HNRNPM: variants seen among roughly 807,000 people sequenced by gnomAD.
The protein encoded by HNRNPM is heterogeneous nuclear ribonucleoprotein M.
Under a neutral mutation model 73.1 loss-of-function variants are expected in HNRNPM, and 11 were observed. That is an observed-to-expected ratio of 0.15 (90% CI 0.09 to 0.25). The LOEUF (loss-of-function observed/expected upper bound fraction) is 0.25, where lower values mean the gene tolerates loss of function less well. HNRNPM is among the 10% of genes least tolerant of loss of function. The probability of loss-of-function intolerance (pLI) is 1.00; values close to 1 mark genes in which losing one functional copy is unlikely to be tolerated. For missense variants in HNRNPM, 789 were observed against 1,067.9 expected (o/e 0.74, Z 3.64); for synonymous variants, 407 against 355.2 (o/e 1.15, Z -1.64).
chr19:8,460,827 C>T (rs1969348777), intron 2 of HNRNPM, among the ~76,000 whole-genome samples: 1 of 152,178 alleles, frequency 6.6e-6, no homozygotes, highest in African/African-American at 2.4e-5. Context: ...GGGGCCTCTT[C>T]AGTCACTATT....
intron 7 of HNRNPM, among the ~76,000 whole-genome samples, 162 bp downstream of exon 7, chr19:8,466,550 G>C (rs1969756971): frequency 6.6e-6 from 1 of 152,030 alleles, no homozygotes; most frequent in Non-Finnish European, 1.5e-5. Context: ...GGGCCGGACC[G>C]GTCACGGTGG....
In HNRNPM at chr19:8,464,574, G is replaced by T. The variant is rs141919559; in HGVS notation, c.439-750G>T. The stretch of plus-strand genomic sequence containing the variant: ...TGGAACCCAGGAGGCGGAGGTTGCA[G>T]TGAGCCGAGATCGCGCCATTGAACT... On this transcript the variant is annotated intron_variant, in intron 5 of 15. Transcript: ENST00000325495. Among the ~76,000 whole-genome samples the T allele has an allele frequency of 3.1e-3, 465 of 152,288 alleles. 3 individuals carry two copies. The highest frequency in any genetic ancestry group is 5.9e-3 in the Admixed American group (91 of 15,296).
chr19:8,484,015 A>T (rs1329135713), intron 13 of HNRNPM, among the ~76,000 whole-genome samples: 1 of 151,842 alleles, frequency 6.6e-6, no homozygotes, highest in Admixed American at 6.6e-5. Flanking sequence ...TGACCTGCAT[A>T]CCTCCAGAGT....
intron 2 of HNRNPM, among the ~76,000 whole-genome samples, chr19:8,461,455 G>C (rs1392810749): frequency 1.3e-5 from 2 of 152,040 alleles, no homozygotes; most frequent in African/African-American, 4.8e-5. Flanking sequence ...TTTTGCCTTT[G>C]GAGAGTCTGG....
At chr19:8,476,107 G>A (rs1428745608) in intron 12 of HNRNPM, among the ~76,000 whole-genome samples, 3 of 152,054 alleles carry the variant, frequency 2.0e-5, no homozygotes, top group African/African-American at 4.8e-5. Flanking sequence ...CCTGGGGTAC[G>A]CGGTGGCAAA....
chr19:8,478,612 G>A (rs1241574555), intron 12 of HNRNPM, among the ~76,000 whole-genome samples: 1 of 152,180 alleles, frequency 6.6e-6, no homozygotes, highest in Non-Finnish European at 1.5e-5. Context: ...TTTTAAAAAA[G>A]ATGTTGTTTT....
At position 8,462,645 on chromosome 19, in the gene HNRNPM, G is replaced by A. The variant is rs375487217; in HGVS notation, c.336+64G>A. On this transcript the variant is annotated intron_variant, in intron 3 of 15. Coordinates refer to ENST00000325495, the MANE Select transcript of HNRNPM (RefSeq NM_005968.5). This position sits in a 1 kb window ranked among gnomAD's most constrained non-coding sequence, Gnocchi z 4.5. ...ATGAAAAATGTAACTGTATGGTGGC[G>A]TGGAATCGAATGAAATCAGGAAGGC... The A allele has an allele frequency of 7.6e-6, 10 of 1,320,504 alleles. No homozygotes were observed. Among genetic ancestry groups the A allele is most frequent in the African/African-American group, 1.4e-5 (1 of 69,046 alleles). The allele number at this position is 1,320,504 out of a possible 1,614,324, so 81.8% of individuals were successfully genotyped here.
intron 13 of HNRNPM, among the ~76,000 whole-genome samples, chr19:8,485,042 G>T (rs773296909): frequency 6.6e-6 from 1 of 151,592 alleles, no homozygotes; most frequent in Non-Finnish European, 1.5e-5. Context: ...GTGTTTTTTT[G>T]ACCTCTGCTT....
chr19:8,465,018 C>T (rs996897421), intron 5 of HNRNPM, among the ~76,000 whole-genome samples: 1 of 152,230 alleles, frequency 6.6e-6, no homozygotes, highest in Non-Finnish European at 1.5e-5. Context: ...TAATTTCAGT[C>T]TGGCGGTTCT....
At chr19:8,458,645 C>T (rs1038524496) in intron 2 of HNRNPM, among the ~76,000 whole-genome samples, 4 of 152,224 alleles carry the variant, frequency 2.6e-5, no homozygotes, top group Non-Finnish European at 5.9e-5. Context: ...TACCCTCAGT[C>T]GATCCGAAGT....
At chr19:8,483,270 C>A in intron 13 of HNRNPM, 59 bp downstream of exon 13, 1 of 1,340,506 alleles carries the variant, frequency 7.5e-7, no homozygotes, top group South Asian at 1.2e-5. Flanking sequence ...TCGCTGGGGA[C>A]TGTAGAGCTT....
Position 8,486,106 on chromosome 19 carries a change from G to T in HNRNPM, c.1678G>T (p.Ala560Ser). Residue 560 changes from alanine (A) to serine (S), a missense_variant, in exon 14 of 16, where the codon GCC (alanine) becomes TCC (serine). Ala to Ser is a moderately conservative substitution (Grantham distance 99). Transcript: ENST00000325495. The stretch of plus-strand genomic sequence containing the variant: ...GGCCACCGGCCTGGAGCGCATGGGC[G>T]CCAACAATCTGGAGCGGATGGGCCT... Reference protein sequence around the residue: ...RMATGLERMGANNLERMGLER... With the variant: ...RMATGLERMGSNNLERMGLER... The T allele has an allele frequency of 6.2e-7, 1 of 1,606,286 alleles. No individual in the cohort carries two copies. The highest frequency in any genetic ancestry group is 8.5e-7 in the Non-Finnish European group (1 of 1,179,480).
At chr19:8,461,463 T>C (rs1175017471) in intron 2 of HNRNPM, among the ~76,000 whole-genome samples, 1 of 152,200 alleles carries the variant, frequency 6.6e-6, no homozygotes, top group Non-Finnish European at 1.5e-5. Flanking sequence ...TTGGAGAGTC[T>C]GGTTAGAGAT....
chr19:8,483,618 T>C lies in HNRNPM; in HGVS notation c.1174+407T>C, dbSNP rs563340874. Among the ~76,000 whole-genome samples the C allele has an allele frequency of 3.7e-4, 57 of 152,324 alleles. 1 individual carries two copies. In the South Asian group the frequency reaches 0.011, roughly 30 times the overall value. On this transcript the variant is annotated intron_variant, in intron 13 of 15. Coordinates refer to ENST00000325495, the MANE Select transcript of HNRNPM (RefSeq NM_005968.5). ...TGAAAGCACACCACCCAACAAGTAA[T>C]AAATGCTTGTAAAATAGATAAATGT... is the stretch of plus-strand genomic sequence containing the variant.
chr19:8,474,911 C>T (rs1970397910), intron 12 of HNRNPM, among the ~76,000 whole-genome samples: 1 of 152,124 alleles, frequency 6.6e-6, no homozygotes, highest in African/African-American at 2.4e-5. Flanking sequence ...GTCGGAGTTT[C>T]ACCATGTTGG....
At chr19:8,456,954 G>T (rs1226832745) in intron 2 of HNRNPM, among the ~76,000 whole-genome samples, 2 of 152,206 alleles carry the variant, frequency 1.3e-5, no homozygotes, top group Non-Finnish European at 2.9e-5. Context: ...TTTTGGGACT[G>T]CTGCTTCAAT....
chr19:8,488,849 G>A lies in HNRNPM; in HGVS notation c.2188G>A (p.Ala730Thr), dbSNP rs1213156465. The change falls in exon 16 of 16, where the codon GCT (alanine) becomes ACT (threonine). Residue 730 changes from alanine to threonine, a missense_variant. By Grantham distance (58) the Ala-to-Thr change is moderately conservative. Around this residue, in one of 4 missense-constraint regions of HNRNPM, gnomAD observed 43 missense variants for 105.8 expected, o/e 0.41. Coordinates refer to ENST00000325495, the MANE Select transcript of HNRNPM (RefSeq NM_005968.5). The part of the protein sequence containing the change: ...REIDVRIDRN[A>T] ...GATTGACGTTCGAATTGATAGAAAC[G>A]CTTAAGCAGTTGCCTTTTTTAAACA... The A allele has an allele frequency of 5.0e-6, 8 of 1,608,280 alleles. No homozygotes were observed. The highest frequency in any genetic ancestry group is 4.5e-5 in the East Asian group (2 of 44,782).
In HNRNPM at chr19:8,467,591, CAGT is replaced by C; in HGVS notation, c.834+10_834+12del. 6.3e-7 allele frequency: 1 copy of C among 1,599,732 alleles called. No homozygotes were observed. The highest frequency in any genetic ancestry group is 8.6e-7 in the Non-Finnish European group (1 of 1,166,942). On this transcript the variant is annotated splice_region_variant and intron_variant, in intron 8 of 15. Transcript: ENST00000325495. ...ACCAATGCACGTCAAGATGGTAAGT[CAGT>C]AGGATCTTTCTCTGTGATATACTCA...
At chr19:8,451,544 C>G (rs200749063) in intron 1 of HNRNPM, among the ~76,000 whole-genome samples, 1 of 141,474 alleles carries the variant, frequency 7.1e-6, no homozygotes. Flanking sequence ...TCCCCTTCCC[C>G]TTCCCTTGCC....
Sources: gnomAD v4.1 joint callset for allele counts (sites outside exome capture counted in the v4.1 genomes callset) on GRCh38, gnomAD v4.1.1 for gene constraint, gnomAD v4.1.1 regional missense constraint, Gnocchi (gnomAD v3.1) non-coding constraint, MANE v1.5 for transcripts, NCBI Gene and HGNC (gene_info 2026-07-23, HGNC 2026-07-21) for gene names.